The following CSMD2 variants were observed in gnomAD, a reference collection of about 807,000 sequenced individuals.
CSMD2 encodes the protein CUB and sushi domain-containing protein 2.
Under a neutral mutation model 398.5 loss-of-function variants are expected in CSMD2, and 130 were observed. That is an observed-to-expected ratio of 0.33 (90% confidence interval 0.28 to 0.38). The LOEUF is 0.38. Ranked by LOEUF, CSMD2 falls within the 10% of genes least tolerant of loss-of-function variation. CSMD2 has a pLI of 1.00. For missense variants in CSMD2, 3,829 were observed against 4,764.9 expected (o/e 0.80, Z 5.78); for synonymous variants, 1,828 against 1,908.5 (o/e 0.96, Z 1.10).
chr1:33,738,745 G>A lies in CSMD2; in HGVS notation c.2368+395C>T, dbSNP rs554269338. ...TGGGGAAAATAAACATGTGGAGAAG[G>A]AAAGAGTGACAGGCAGCTTGAAAGA... is the stretch of plus-strand genomic sequence containing the variant. On this transcript the variant is annotated intron_variant, in intron 15 of 70. Coordinates refer to ENST00000373381, the MANE Select transcript of CSMD2 (RefSeq NM_001281956.2). Among the ~76,000 whole-genome samples, 4 of 152,310 alleles carry A rather than the reference G, an allele frequency of 2.6e-5. No individual in the cohort carries two copies. The East Asian group carries it at 7.7e-4, about 29-fold the overall frequency.
chr1:34,057,583 G>A (rs921532001), intron 2 of CSMD2, among the ~76,000 whole-genome samples: 17 of 152,156 alleles, frequency 1.1e-4, no homozygotes, highest in African/African-American at 3.9e-4. Flanking sequence ...TGGGCAGAGA[G>A]GGTCCAGCTG....
intron 25 of CSMD2, among the ~76,000 whole-genome samples, chr1:33,673,226 G>A (rs1039174871): frequency 8.5e-5 from 13 of 152,244 alleles, no homozygotes; most frequent in Middle Eastern, 3.4e-3. Context: ...AAAATTAGAC[G>A]AATGGCTAAC....
chr1:33,817,512 A>C (rs1276673527), intron 9 of CSMD2, among the ~76,000 whole-genome samples: 2 of 152,198 alleles, frequency 1.3e-5, no homozygotes, highest in Non-Finnish European at 2.9e-5. Context: ...ATCAAAGTCC[A>C]TGTGACTCCC....
chr1:33,690,126 C>T (rs1645187859), intron 25 of CSMD2, among the ~76,000 whole-genome samples: 1 of 152,204 alleles, frequency 6.6e-6, no homozygotes, highest in Non-Finnish European at 1.5e-5. Context: ...TGTCAAAACG[C>T]AGCCTCATAG....
intron 1 of CSMD2, among the ~76,000 whole-genome samples, chr1:34,122,643 A>C (rs1354591587): frequency 6.6e-6 from 1 of 152,082 alleles, no homozygotes; most frequent in African/African-American, 2.4e-5. Context: ...CCAGAGTTTT[A>C]ATTTTCATAG....
chr1:33,561,088 C>A (rs1033690483), intron 53 of CSMD2, among the ~76,000 whole-genome samples: 53 of 152,186 alleles, frequency 3.5e-4, no homozygotes, highest in African/African-American at 1.0e-3. Context: ...TACTTAAATC[C>A]ATGAGGATCC....
chr1:33,901,975 AG>A (rs1373241583), intron 5 of CSMD2, among the ~76,000 whole-genome samples: 2 of 152,202 alleles, frequency 1.3e-5, no homozygotes, highest in East Asian at 3.9e-4. Flanking sequence ...ATTTAGGCCC[AG>A]GGTAACTCTT....
At chr1:33,958,379 C>T (rs1645239161) in intron 3 of CSMD2, among the ~76,000 whole-genome samples, 1 of 152,208 alleles carries the variant, frequency 6.6e-6, no homozygotes, top group Non-Finnish European at 1.5e-5. Flanking sequence ...CATCCCACCC[C>T]TTGGTCCCAT....
chr1:33,693,113 A>G, intron 24 of CSMD2, 57 bp from the exon 25 acceptor site: 1 of 1,524,814 alleles, frequency 6.6e-7, no homozygotes, highest in Non-Finnish European at 8.8e-7. Context: ...GCCAGCAGTC[A>G]CTCAGTGGCT....
At chr1:34,047,311 T>C (rs1185671100) in intron 2 of CSMD2, among the ~76,000 whole-genome samples, 1 of 152,144 alleles carries the variant, frequency 6.6e-6, no homozygotes, top group Non-Finnish European at 1.5e-5. Context: ...TCCAGCTACC[T>C]CATCTCTTCC....
At chr1:34,020,326 G>A (rs1432593559) in intron 3 of CSMD2, among the ~76,000 whole-genome samples, 1 of 152,212 alleles carries the variant, frequency 6.6e-6, no homozygotes, top group African/African-American at 2.4e-5. Context: ...TCATTACCAA[G>A]CCCAGTCTGT....
intron 44 of CSMD2, among the ~76,000 whole-genome samples, chr1:33,594,321 T>C (rs766808203): frequency 4.8e-4 from 73 of 152,346 alleles, no homozygotes; most frequent in Non-Finnish European, 8.7e-4. Flanking sequence ...CATTCACACA[T>C]GAAGCCCCTA....
intron 7 of CSMD2, among the ~76,000 whole-genome samples, chr1:33,823,070 C>T (rs1232879911): frequency 1.3e-5 from 2 of 152,166 alleles, no homozygotes; most frequent in African/African-American, 2.4e-5. Flanking sequence ...CAGAAGTCTG[C>T]CCCATCAGGA....
intron 3 of CSMD2, among the ~76,000 whole-genome samples, chr1:33,983,069 G>A (rs546913379): frequency 5.3e-5 from 8 of 152,260 alleles, no homozygotes; most frequent in African/African-American, 1.9e-4. Context: ...GCTGTTACAG[G>A]AAGAGCCTGA....
intron 1 of CSMD2, among the ~76,000 whole-genome samples, chr1:34,089,637 T>C (rs1476391831): frequency 6.6e-6 from 1 of 152,136 alleles, no homozygotes; most frequent in Non-Finnish European, 1.5e-5. Context: ...AGGATTCCCT[T>C]GTCTTCCCAA....
chr1:33,671,367 T>G (rs1644491118), intron 25 of CSMD2, among the ~76,000 whole-genome samples: 1 of 152,134 alleles, frequency 6.6e-6, no homozygotes, highest in African/African-American at 2.4e-5. Flanking sequence ...CCAGCAAGTA[T>G]GCCAGCTCAG....
At chr1:33,950,423 G>GAGAGAGAGAGAGAGAGAGA (rs1553260577) in intron 3 of CSMD2, among the ~76,000 whole-genome samples, 2 of 143,318 alleles carry the variant, frequency 1.4e-5, no homozygotes, top group African/African-American at 2.6e-5. Context: ...GAGAGAGAGA[G>GAGAGAGAGAGAGAGAGAGA]GAGAGTTTGT....
intron 19 of CSMD2, among the ~76,000 whole-genome samples, chr1:33,720,380 G>A (rs1646319566): frequency 6.6e-6 from 1 of 152,166 alleles, no homozygotes; most frequent in African/African-American, 2.4e-5. Context: ...TGGGAGCCCA[G>A]GGGAGAAGAG....
intron 42 of CSMD2, among the ~76,000 whole-genome samples, chr1:33,604,594 G>C (rs1024356685): frequency 1.3e-5 from 2 of 152,212 alleles, no homozygotes; most frequent in African/African-American, 2.4e-5. Flanking sequence ...CCTTGCTAAG[G>C]CTTCCTTTTT....
Sources: allele counts gnomAD v4.1 joint callset (sites outside exome capture counted in the v4.1 genomes callset), GRCh38; gene constraint gnomAD v4.1.1; transcripts MANE v1.5; gene names NCBI Gene and HGNC (gene_info 2026-07-23, HGNC 2026-07-21).